The following ABCA5 variants were observed in gnomAD, a reference collection of about 807,000 sequenced individuals.
ABCA5 encodes the protein cholesterol transporter ABCA5.
A neutral mutation model predicts 206.0 loss-of-function variants in ABCA5; 163 were observed. The observed-to-expected ratio is 0.79, with a 90% confidence interval of 0.70 to 0.90. The LOEUF is 0.90. Among genes scored for constraint, ABCA5 ranks in the 40% least tolerant of loss-of-function variants. The probability of loss-of-function intolerance (pLI) is 0.00; values close to 1 mark genes in which losing one functional copy is unlikely to be tolerated. For synonymous variants in ABCA5, 609 were observed against 613.8 expected (o/e 0.99, Z 0.11); for missense variants, 1,859 against 1,912.9 (o/e 0.97, Z 0.53).
intron 33 of ABCA5, 61 bp downstream of exon 33, chr17:69,253,733 A>T (rs2075043419): frequency 6.3e-7 from 1 of 1,575,722 alleles, no homozygotes; most frequent in Non-Finnish European, 8.7e-7. Context: ...CTATCAAGAC[A>T]ATATCAGGTA....
chr17:69,290,130 A>G (rs2075509857), intron 12 of ABCA5, 93 bp from the exon 13 acceptor site: 2 of 832,252 alleles, frequency 2.4e-6, no homozygotes, highest in Non-Finnish European at 3.5e-6. Flanking sequence ...TGGTTATAAC[A>G]GACATATAAG....
At chr17:69,321,632 T>C (rs540642494) in intron 1 of ABCA5, among the ~76,000 whole-genome samples, 23 of 152,282 alleles carry the variant, frequency 1.5e-4, no homozygotes, top group African/African-American at 5.5e-4. Context: ...GCTGAGTTAA[T>C]ACAAGACCAA....
chr17:69,302,771 C>T lies in ABCA5; in HGVS notation c.1066G>A (p.Val356Met). Reference sequence around the variant, plus strand: ...TGACAGAAAGGACTGAAAAGCCACACTAACGATTTGGGAAAACTTTCTATG... The same window carrying T: ...TGACAGAAAGGACTGAAAAGCCACATTAACGATTTGGGAAAACTTTCTATG... ...ILIESFPKSL[V>M]WLFSPFCHCT... The change falls in exon 8 of 39, where the codon GTG becomes ATG. Residue 356 changes from valine (V) to methionine (M), a missense_variant. By Grantham distance (21) the Val-to-Met change is conservative. Coordinates refer to ENST00000392676, the MANE Select transcript of ABCA5 (RefSeq NM_172232.4). 3.1e-6 allele frequency: 5 copies of T among 1,599,046 alleles called. No homozygotes were observed. The highest frequency in any genetic ancestry group is 4.3e-6 in the Non-Finnish European group (5 of 1,176,158).
At chr17:69,311,593 A>G (rs1477565513) in intron 3 of ABCA5, among the ~76,000 whole-genome samples, 1 of 151,952 alleles carries the variant, frequency 6.6e-6, no homozygotes, top group African/African-American at 2.4e-5. Context: ...GGGTTCAAGC[A>G]ATTCTCCTGC....
intron 9 of ABCA5, among the ~76,000 whole-genome samples, chr17:69,299,954 T>C (rs990485243): frequency 6.6e-6 from 1 of 152,142 alleles, no homozygotes; most frequent in Non-Finnish European, 1.5e-5. Flanking sequence ...CCCAGCCTTT[T>C]TGGCACCAGG....
chr17:69,276,244 A>C (rs1351242180), intron 19 of ABCA5, among the ~76,000 whole-genome samples: 1 of 151,604 alleles, frequency 6.6e-6, no homozygotes, highest in Non-Finnish European at 1.5e-5. Flanking sequence ...CCACCACCAC[A>C]CCCAGCTAAT....
chr17:69,254,199 T>A (rs1240921407), intron 32 of ABCA5, 116 bp downstream of exon 32: 5 of 846,830 alleles, frequency 5.9e-6, no homozygotes, highest in Non-Finnish European at 8.8e-6. Context: ...GAAAAAGTAA[T>A]AAACATTTTC....
At chr17:69,257,393 T>G (rs184490728) in intron 28 of ABCA5, among the ~76,000 whole-genome samples, 29 of 148,952 alleles carry the variant, frequency 1.9e-4, no homozygotes, top group Admixed American at 4.0e-4. Context: ...AGGAGAACAA[T>G]GTCAATCATA....
chr17:69,301,630 G>T (rs1043800547), intron 8 of ABCA5, among the ~76,000 whole-genome samples: 4 of 151,976 alleles, frequency 2.6e-5, no homozygotes, highest in African/African-American at 9.7e-5. Flanking sequence ...AAACAAAAGG[G>T]TTATGATCCA....
intron 8 of ABCA5, 31 bp from the exon 9 acceptor site, chr17:69,301,317 T>A (rs142028804): frequency 3.8e-6 from 6 of 1,565,246 alleles, no homozygotes; most frequent in Non-Finnish European, 5.2e-6. Flanking sequence ...CTTTATTACA[T>A]AAAAATGACA....
chr17:69,306,291 T>G (rs1169900730), intron 6 of ABCA5, among the ~76,000 whole-genome samples: 1 of 152,120 alleles, frequency 6.6e-6, no homozygotes, highest in African/African-American at 2.4e-5. Flanking sequence ...TATACAGACT[T>G]TAATCACTAT....
chr17:69,296,006 T>A (rs901010678), intron 10 of ABCA5, among the ~76,000 whole-genome samples: 2 of 152,184 alleles, frequency 1.3e-5, no homozygotes, highest in African/African-American at 2.4e-5. Flanking sequence ...ATTGATTCAT[T>A]TTTCATGCCA....
chr17:69,274,101 T>C lies in ABCA5; in HGVS notation c.2622A>G (p.Thr874=), dbSNP rs1440564188. 2.5e-6 allele frequency: 4 copies of C among 1,572,186 alleles called. No homozygotes were observed. In the East Asian group the frequency reaches 6.8e-5, roughly 27 times the overall value. ...GAACCAAAAACATAAAAATCTGAACTGTGAAAAAAATTAAAAGCAGAAGCA... is the reference window on the plus strand; with the variant it reads ...GAACCAAAAACATAAAAATCTGAACCGTGAAAAAAATTAAAAGCAGAAGCA... ...SVLLLLLIFF[T]VQIFMFLVHH... The change falls in exon 20 of 39, where the codon ACA becomes ACG. Residue 874 remains threonine (T), a synonymous_variant. Coordinates refer to ENST00000392676, the MANE Select transcript of ABCA5 (RefSeq NM_172232.4).
At chr17:69,271,709 T>G (rs781438952) in intron 20 of ABCA5, among the ~76,000 whole-genome samples, 1 of 152,088 alleles carries the variant, frequency 6.6e-6, no homozygotes, top group Non-Finnish European at 1.5e-5. Flanking sequence ...AAAGTTAACC[T>G]ATAACACATG....
rs12449649 is a variant in ABCA5 at position 69,264,785 on chromosome 17, A to G, written c.3265T>C (p.Leu1089=). Residue 1089 remains leucine (L), a synonymous_variant, in exon 24 of 39, where the codon TTG becomes CTG. Transcript: ENST00000392676. ...IILILMLGSL[L]AFHYGLYFYT... ...AAATATAATCCATAATGAAATGCCA[A>G]TAAGCTTCCTAGCATCAAAATAAGA... 0.45 allele frequency: 720,039 copies of G among 1,590,594 alleles called. 166,699 individuals carry two copies. Among genetic ancestry groups the G allele is most frequent in the Middle Eastern group, 0.52 (3,100 of 5,980 alleles).
In ABCA5 at chr17:69,244,507, TA is replaced by T. The variant is rs1437249787; in HGVS notation, c.*3029del. 6.6e-6 allele frequency: 1 copy of T among 151,676 alleles called. No homozygotes were observed. The highest frequency in any genetic ancestry group is 2.4e-5 in the African/African-American group (1 of 41,390). 9.4% of individuals were successfully genotyped at this position (151,676 alleles called of 1,614,324 possible). A position where few individuals can be genotyped will look rare whatever the true frequency, so the allele number is the denominator to read the frequency against. On this transcript the variant is annotated 3_prime_UTR_variant, in exon 39 of 39. Transcript: ENST00000392676. Reference sequence around the variant, plus strand: ...GAGAATTGCTTACATATATTATAAATAAAAAATAATTAAACTTTTACCTGAT... The same window carrying T: ...GAGAATTGCTTACATATATTATAAATAAAAATAATTAAACTTTTACCTGAT...
chr17:69,322,034 C>T (rs1315072979), intron 1 of ABCA5, among the ~76,000 whole-genome samples: 1 of 151,944 alleles, frequency 6.6e-6, no homozygotes, highest in Non-Finnish European at 1.5e-5. Context: ...TTGCATAATC[C>T]AAAGTTCAAT....
At chr17:69,285,801 A>G in intron 17 of ABCA5, 97 bp downstream of exon 17, 1 of 1,292,132 alleles carries the variant, frequency 7.7e-7, no homozygotes, top group Non-Finnish European at 1.0e-6. Context: ...GAGCATGGCA[A>G]TACTACATGG....
At chr17:69,314,555 T>C in intron 1 of ABCA5, 125 bp from the exon 2 acceptor site, 1 of 600,238 alleles carries the variant, frequency 1.7e-6, no homozygotes, top group Admixed American at 3.1e-5. Flanking sequence ...CTCCAAGCTG[T>C]CTCTCTTAGG....
Sources: allele counts gnomAD v4.1 joint callset (sites outside exome capture counted in the v4.1 genomes callset), GRCh38; gene constraint gnomAD v4.1.1; transcripts MANE v1.5; gene names NCBI Gene and HGNC (gene_info 2026-07-23, HGNC 2026-07-21).